The following TYW1 variants were observed in gnomAD, a reference collection of about 807,000 sequenced individuals.
TYW1 encodes the protein tRNA-yW synthesizing protein 1 homolog.
TYW1 carries 46 observed loss-of-function variants against 96.2 expected under a neutral mutation model. The ratio of observed to expected loss-of-function variants is 0.48; its 90% confidence interval spans 0.38 to 0.61. TYW1 has a LOEUF of 0.61. TYW1 is among the 20% of genes least tolerant of loss of function. The probability of loss-of-function intolerance (pLI) is 0.00; values close to 1 mark genes in which losing one functional copy is unlikely to be tolerated. For missense variants in TYW1, 684 were observed against 909.6 expected, an observed-to-expected ratio of 0.75 and a Z score of 3.19; for synonymous variants, 274 against 323.0, an observed-to-expected ratio of 0.85 and a Z score of 1.63.
At chr7:67,191,865 A>G (rs1225565460) in intron 14 of TYW1, among the ~76,000 whole-genome samples, 1 of 151,576 alleles carries the variant, frequency 6.6e-6, no homozygotes, top group Non-Finnish European at 1.5e-5. Context: ...TGCTTCCCTC[A>G]GAGGGTTTTG....
Position 67,195,143 on chromosome 7 carries a change from T to C in TYW1, c.1810-27T>C, listed in dbSNP as rs765866681. On this transcript the variant is annotated intron_variant, in intron 14 of 15. Transcript: ENST00000359626. ...TGACATGCAGGTAGGTCTGTAGTCA[T>C]CTCTGATGGTTATACTGTTTCCACA... is the stretch of plus-strand genomic sequence containing the variant. The C allele has an allele frequency of 2.5e-6, 4 of 1,608,858 alleles. No homozygotes were observed. In the Admixed American group the frequency reaches 6.7e-5, roughly 27 times the overall value.
chr7:67,150,308 A>G (rs1366167828), intron 13 of TYW1, among the ~76,000 whole-genome samples: 1 of 152,142 alleles, frequency 6.6e-6, no homozygotes, highest in Admixed American at 6.6e-5. Flanking sequence ...AGAGTCCACA[A>G]CAAACACAAA....
At chr7:67,023,817 G>A (rs1238548196) in intron 6 of TYW1, among the ~76,000 whole-genome samples, 3 of 151,996 alleles carry the variant, frequency 2.0e-5, no homozygotes, top group South Asian at 2.1e-4. Context: ...TCTCTCTAAC[G>A]TTTTATTCTG....
chr7:67,205,803 T>G (rs995311095), intron 15 of TYW1, among the ~76,000 whole-genome samples: 2 of 152,030 alleles, frequency 1.3e-5, no homozygotes, highest in African/African-American at 4.8e-5. Flanking sequence ...CTCTTTTTTT[T>G]TTAATCCAAT....
At chr7:67,212,013 T>C (rs1801047446) in intron 15 of TYW1, among the ~76,000 whole-genome samples, 1 of 152,232 alleles carries the variant, frequency 6.6e-6, no homozygotes, top group Non-Finnish European at 1.5e-5. Context: ...ATTTCAGCTA[T>C]AAAATGCTAT....
rs1795699226 is a variant in TYW1, at chr7:67,061,658, T to A, written c.1156-5627T>A. Among the ~76,000 whole-genome samples the A allele has an allele frequency of 2.0e-5, 3 of 152,198 alleles. No homozygotes were observed. The South Asian group carries it at 6.2e-4, about 32-fold the overall frequency. The stretch of plus-strand genomic sequence containing the variant: ...CAAAGCCTTGGTGGTATATAACCGA[T>A]GTTTATATTTCTAATTGTATCCTAC... On this transcript the variant is annotated intron_variant, in intron 9 of 15. Coordinates refer to ENST00000359626, the MANE Select transcript of TYW1 (RefSeq NM_018264.4).
intron 15 of TYW1, among the ~76,000 whole-genome samples, chr7:67,215,630 T>C (rs1404844737): frequency 1.3e-5 from 2 of 152,026 alleles, no homozygotes; most frequent in Non-Finnish European, 2.9e-5. Context: ...GGTATGTGTA[T>C]TAGTCAGGGT....
intron 13 of TYW1, among the ~76,000 whole-genome samples, chr7:67,152,970 C>G (rs1798851050): frequency 6.6e-6 from 1 of 152,212 alleles, no homozygotes; most frequent in Non-Finnish European, 1.5e-5. Flanking sequence ...TCTCTGTTCT[C>G]AAGCCTGCCT....
At chr7:67,142,539 C>T (rs1223277049) in intron 13 of TYW1, among the ~76,000 whole-genome samples, 1 of 152,144 alleles carries the variant, frequency 6.6e-6, no homozygotes, top group Non-Finnish European at 1.5e-5. Context: ...AGAAATTCTC[C>T]TGCCTCAGCT....
rs542323906 is a variant in TYW1, at chr7:67,176,968, C to T, written c.1699-6158C>T. ...TTTTCTCAAGATGTTGCTAATTGTC[C>T]CCTGCGGTGCAGAATCGCTCCTGGT... is the stretch of plus-strand genomic sequence containing the variant. On this transcript the variant is annotated intron_variant, in intron 13 of 15. Transcript: ENST00000359626. Among the ~76,000 whole-genome samples, 21 of 151,974 alleles carry T rather than the reference C, an allele frequency of 1.4e-4. No individual in the cohort carries two copies. In the South Asian group the frequency reaches 4.4e-3, roughly 32 times the overall value.
intron 13 of TYW1, among the ~76,000 whole-genome samples, chr7:67,180,280 G>C (rs1475359132): frequency 7.7e-6 from 1 of 129,528 alleles, no homozygotes; most frequent in East Asian, 2.0e-4. Flanking sequence ...CATTCAGGTA[G>C]AAACTAAGAA....
At chr7:67,004,020 G>A (rs1251897940) in intron 3 of TYW1, among the ~76,000 whole-genome samples, 1 of 117,932 alleles carries the variant, frequency 8.5e-6, no homozygotes. Context: ...CTCCAGTCTG[G>A]GGGACAGAGT....
intron 9 of TYW1, among the ~76,000 whole-genome samples, chr7:67,062,664 G>A (rs1408568536): frequency 1.3e-5 from 2 of 151,978 alleles, no homozygotes; most frequent in Admixed American, 6.6e-5. Context: ...TGATAAGGGA[G>A]TGCTGCAAAC....
intron 9 of TYW1, among the ~76,000 whole-genome samples, chr7:67,062,577 A>AAAAAG (rs1554355568): frequency 8.3e-4 from 122 of 146,888 alleles, no homozygotes; most frequent in Middle Eastern, 3.5e-3. Flanking sequence ...AAAAAAAAAA[A>AAAAAG]AAAAGAAAAG....
intron 9 of TYW1, among the ~76,000 whole-genome samples, chr7:67,061,932 CTTA>C (rs1795708830): frequency 6.6e-6 from 1 of 152,162 alleles, no homozygotes; most frequent in Non-Finnish European, 1.5e-5. Context: ...TCATTAATTA[CTTA>C]ATTTGAAGTC....
chr7:67,238,572 G>T lies in TYW1; in HGVS notation c.*43G>T. 6.3e-7 allele frequency: 1 copy of T among 1,598,774 alleles called. No homozygotes were observed. Among genetic ancestry groups the T allele is most frequent in the African/African-American group, 1.3e-5 (1 of 74,096 alleles). ...GTACTGAAGGACAAAAACTTGGATG[G>T]CCTCAAAAGGTTCTTGAACACCACT... On this transcript the variant is annotated 3_prime_UTR_variant, in exon 16 of 16. Transcript: ENST00000359626.
chr7:67,030,843 T>G (rs190318517), intron 7 of TYW1, among the ~76,000 whole-genome samples: 2,113 of 152,014 alleles, frequency 0.014, 21 homozygotes, highest in Middle Eastern at 0.024. Context: ...CAGGCCAAAC[T>G]TGGAACAATT....
At chr7:67,139,763 G>GTGTGTGTGTGTGTGTGTGTT (rs1554374336) in intron 13 of TYW1, among the ~76,000 whole-genome samples, 1 of 150,782 alleles carries the variant, frequency 6.6e-6, no homozygotes, top group Non-Finnish European at 1.5e-5. Context: ...GTGTGTGTGT[G>GTGTGTGTGTGTGTGTGTGTT]TGTGTGTGTA....
intron 13 of TYW1, among the ~76,000 whole-genome samples, chr7:67,181,174 A>G (rs1033165535): frequency 6.6e-6 from 1 of 152,178 alleles, no homozygotes; most frequent in African/African-American, 2.4e-5. Flanking sequence ...CTACTAGTAT[A>G]ATGAATTGTA....
Sources: allele counts gnomAD v4.1 joint callset (sites outside exome capture counted in the v4.1 genomes callset), GRCh38; gene constraint gnomAD v4.1.1; transcripts MANE v1.5; gene names NCBI Gene and HGNC (gene_info 2026-07-23, HGNC 2026-07-21).